The following FRMPD4 variants were observed in gnomAD, a reference collection of about 807,000 sequenced individuals.
FRMPD4 encodes the protein FERM and PDZ domain-containing protein 4.
A neutral mutation model predicts 94.1 loss-of-function variants in FRMPD4; 22 were observed. The ratio of observed to expected loss-of-function variants is 0.23; its 90% CI spans 0.17 to 0.33. FRMPD4 has a LOEUF of 0.33. FRMPD4 is among the 10% of genes least tolerant of loss of function. The pLI, the probability that FRMPD4 is intolerant of heterozygous loss-of-function variation, is 1.00. For synonymous variants in FRMPD4, 631 were observed against 548.6 expected (o/e 1.15, Z -2.10); for missense variants, 1,111 against 1,339.9 (o/e 0.83, Z 2.67).
chrX:11,856,428 A>G (rs920865266), intron 1 of FRMPD4, among the ~76,000 whole-genome samples: 1 of 112,311 alleles, frequency 8.9e-6, no homozygotes, highest in South Asian at 3.7e-4. Context: ...GTGATTCATC[A>G]TATAAACAGG....
At chrX:12,394,412 A>G (rs1396701361) in intron 1 of FRMPD4, among the ~76,000 whole-genome samples, 2 of 111,736 alleles carry the variant, frequency 1.8e-5, no homozygotes, top group Non-Finnish European at 3.8e-5. Flanking sequence ...TTCCCCTCTC[A>G]TGAAGTTTTC....
intron 3 of FRMPD4, among the ~76,000 whole-genome samples, chrX:12,117,578 A>G (rs1463661635): frequency 8.9e-6 from 1 of 111,825 alleles, no homozygotes; most frequent in Non-Finnish European, 1.9e-5. Flanking sequence ...ATAAAAGGAC[A>G]CATTGCCATT....
chrX:12,043,101 C>T (rs1364815634), intron 3 of FRMPD4, among the ~76,000 whole-genome samples: 1 of 111,463 alleles, frequency 9.0e-6, no homozygotes, highest in Non-Finnish European at 1.9e-5. Flanking sequence ...TATTGTTTGC[C>T]TTTGGTCACT....
intron 2 of FRMPD4, among the ~76,000 whole-genome samples, chrX:12,506,238 C>A (rs56215908): frequency 9.0e-6 from 1 of 111,517 alleles, no homozygotes; most frequent in Non-Finnish European, 1.9e-5. Flanking sequence ...AAAGCTTTTC[C>A]CCTTCTTCTG....
At chrX:12,136,538 G>T (rs776321069), upstream of FRMPD4, among the ~76,000 whole-genome samples, 1 of 110,833 alleles carries the variant, frequency 9.0e-6, no homozygotes, top group African/African-American at 3.3e-5. Context: ...TGGAGAAGCC[G>T]GCCATGCAGA....
chrX:12,483,683 T>G (rs2148199840), intron 1 of FRMPD4, among the ~76,000 whole-genome samples: 1 of 111,944 alleles, frequency 8.9e-6, no homozygotes, highest in East Asian at 2.8e-4. Flanking sequence ...ATTCACAAAA[T>G]GCAGAAGTTT....
At chrX:12,579,089 CA>C (rs2058839383) in intron 2 of FRMPD4, among the ~76,000 whole-genome samples, 1 of 112,121 alleles carries the variant, frequency 8.9e-6, no homozygotes, top group South Asian at 3.7e-4. Flanking sequence ...ATATTTCATC[CA>C]AGGTATAGAA....
chrX:11,965,811 A>C (rs1227495994), intron 3 of FRMPD4, among the ~76,000 whole-genome samples: 1 of 112,296 alleles, frequency 8.9e-6, no homozygotes, highest in Non-Finnish European at 1.9e-5. Context: ...TTTCCACCCC[A>C]GTATGGAGTT....
intron 3 of FRMPD4, chrX:12,614,052 GCA>G (rs910564865): frequency 4.5e-5 from 5 of 112,267 alleles, no homozygotes; most frequent in African/African-American, 1.6e-4. Context: ...CAGCTACTCA[GCA>G]GGCTGAGGTG....
chrX:12,342,928 C>T (rs1168217409), intron 1 of FRMPD4, among the ~76,000 whole-genome samples: 3 of 111,939 alleles, frequency 2.7e-5, no homozygotes, highest in African/African-American at 6.5e-5. Context: ...ATCACATAGC[C>T]AGTAAGAGGT....
At position 12,723,417 on chromosome X, in the gene FRMPD4, G is replaced by C. The variant is rs1047579817; in HGVS notation, c.*1559G>C. The C allele has an allele frequency of 1.8e-5, 2 of 111,446 alleles. No individual in the cohort carries two copies. Among genetic ancestry groups the C allele is most frequent in the Non-Finnish European group, 3.8e-5 (2 of 53,116 alleles). The allele number at this position is 111,446 out of a possible 1,213,427, so 9.2% of individuals were successfully genotyped here. On this transcript the variant is annotated 3_prime_UTR_variant, in exon 17 of 17. Coordinates refer to ENST00000675598, the MANE Select transcript of FRMPD4 (RefSeq NM_001368397.1). The stretch of plus-strand genomic sequence containing the variant: ...AGTCCACAATTGCAATCTCTCTCTA[G>C]TCAGCCATTCCACAGGGACTCAACA...
intron 2 of FRMPD4, among the ~76,000 whole-genome samples, chrX:12,553,270 C>T (rs753878094): frequency 9.2e-6 from 1 of 108,489 alleles, no homozygotes; most frequent in African/African-American, 3.4e-5. Context: ...TTGCCTTTCA[C>T]TTCACAGTAT....
In FRMPD4 at chrX:12,461,922, A is replaced by G. The variant is rs746732920; in HGVS notation, c.42-36758A>G. Reference sequence around the variant, plus strand: ...TGAAATAATACCATGGTAAATAAACAAACAACCCCAAATATCTCAGTGGCT... The same window carrying G: ...TGAAATAATACCATGGTAAATAAACGAACAACCCCAAATATCTCAGTGGCT... On this transcript the variant is annotated intron_variant, in intron 1 of 16. Coordinates refer to ENST00000675598, the MANE Select transcript of FRMPD4 (RefSeq NM_001368397.1). Among the ~76,000 whole-genome samples the G allele has an allele frequency of 5.4e-5, 6 of 111,615 alleles. No homozygotes were observed. In the South Asian group the frequency reaches 2.2e-3, roughly 42 times the overall value.
chrX:11,981,242 G>C lies in FRMPD4; in HGVS notation c.95+103224G>C, dbSNP rs147261884. ...TTTGCTTGATAATTATGATATTCAA[G>C]TTATCTTTATTCCTGAATTTTTTGT... On this transcript the variant is annotated intron_variant, in intron 3 of 18. Transcript: ENST00000640291. 6.5e-3 allele frequency among the ~76,000 whole-genome samples: 725 copies of C among 111,806 alleles called. 4 individuals carry two copies. The highest frequency in any genetic ancestry group is 0.023 in the African/African-American group (704 of 30,873).
chrX:11,892,019 A>C (rs2053877070), intron 3 of FRMPD4, among the ~76,000 whole-genome samples: 1 of 112,316 alleles, frequency 8.9e-6, no homozygotes, highest in African/African-American at 3.2e-5. Flanking sequence ...CAGAGGACTC[A>C]GTAGCTTATG....
At chrX:12,147,651 A>G (rs781163894) in intron 1 of FRMPD4, among the ~76,000 whole-genome samples, 7 of 111,835 alleles carry the variant, frequency 6.3e-5, no homozygotes, top group Non-Finnish European at 1.3e-4. Flanking sequence ...TCCTTGGTTT[A>G]TAGTAGATTT....
chrX:12,427,158 C>T (rs960873551), intron 1 of FRMPD4, among the ~76,000 whole-genome samples: 3 of 111,837 alleles, frequency 2.7e-5, no homozygotes, highest in Non-Finnish European at 5.6e-5. Flanking sequence ...AATTTTGTTT[C>T]GATGCAAAGG....
chrX:12,282,339 C>T (rs1316580324), intron 1 of FRMPD4, among the ~76,000 whole-genome samples: 4 of 111,919 alleles, frequency 3.6e-5, no homozygotes, highest in Non-Finnish European at 7.5e-5. Context: ...GGCTGAAGGC[C>T]CAAAATACTT....
At chrX:12,334,083 T>C (rs767666646) in intron 1 of FRMPD4, among the ~76,000 whole-genome samples, 1 of 111,926 alleles carries the variant, frequency 8.9e-6, no homozygotes, top group South Asian at 3.8e-4. Context: ...TGGGAGATTA[T>C]GGAAAGGGCC....
Sources: allele counts gnomAD v4.1 joint callset (sites outside exome capture counted in the v4.1 genomes callset), GRCh38; gene constraint gnomAD v4.1.1; transcripts MANE v1.5; gene names NCBI Gene and HGNC (gene_info 2026-07-23, HGNC 2026-07-21).